Variants in HIVEP2 observed in about 807,000 individuals in gnomAD.
HIVEP2 encodes HIVEP zinc finger 2.
Under a neutral mutation model 180.7 loss-of-function variants are expected in HIVEP2, and 14 were observed. That is an observed-to-expected ratio of 0.08 (90% CI 0.05 to 0.12). The LOEUF (loss-of-function observed/expected upper bound fraction) is 0.12, where lower values mean the gene tolerates loss of function less well. HIVEP2 is among the 10% of genes least tolerant of loss of function. The pLI is 1.00. For missense variants in HIVEP2, 2,579 were observed against 3,008.5 expected (o/e 0.86, Z 3.34); for synonymous variants, 1,184 against 1,136.4 (o/e 1.04, Z -0.84).
At chr6:142,877,149 A>G (rs1317205150) in intron 1 of HIVEP2, among the ~76,000 whole-genome samples, 3 of 152,210 alleles carry the variant, frequency 2.0e-5, no homozygotes, top group Admixed American at 6.5e-5. Context: ...ATTATCATAT[A>G]TTATCACTTT....
At chr6:142,808,111 G>T (rs1257254922) in intron 2 of HIVEP2, among the ~76,000 whole-genome samples, 1 of 152,156 alleles carries the variant, frequency 6.6e-6, no homozygotes, top group Admixed American at 6.5e-5. Flanking sequence ...AAGCTAGGCT[G>T]TAGAAAGATG....
intron 1 of HIVEP2, among the ~76,000 whole-genome samples, chr6:142,877,038 C>T (rs531147484): frequency 6.5e-4 from 99 of 152,294 alleles, no homozygotes; most frequent in Middle Eastern, 3.4e-3. Context: ...AACAGAGTGA[C>T]ACCCTGTCTC....
chr6:142,820,001 C>T (rs918168891), intron 2 of HIVEP2, among the ~76,000 whole-genome samples: 4 of 152,084 alleles, frequency 2.6e-5, no homozygotes, highest in Non-Finnish European at 5.9e-5. Flanking sequence ...CAAGGAGAGG[C>T]GGCTGGAGCA....
intron 2 of HIVEP2, among the ~76,000 whole-genome samples, chr6:142,811,137 C>T (rs772189445): frequency 6.6e-6 from 1 of 152,056 alleles, no homozygotes; most frequent in Non-Finnish European, 1.5e-5. Context: ...AAGAACAGTA[C>T]ATCAGGAAAT....
intron 1 of HIVEP2, among the ~76,000 whole-genome samples, chr6:142,917,429 T>C (rs1777582498): frequency 6.6e-6 from 1 of 152,230 alleles, no homozygotes; most frequent in South Asian, 2.1e-4. Flanking sequence ...GACATCCACG[T>C]GACACTACAT....
At chr6:142,866,510 CCTAA>C (rs1414560938) in intron 1 of HIVEP2, among the ~76,000 whole-genome samples, 1 of 143,372 alleles carries the variant, frequency 7.0e-6, no homozygotes, top group African/African-American at 2.5e-5. Flanking sequence ...AGTGCTAACT[CCTAA>C]CTCCTTTATT....
chr6:142,845,210 G>T (rs1197326745), intron 1 of HIVEP2, among the ~76,000 whole-genome samples: 1 of 152,148 alleles, frequency 6.6e-6, no homozygotes, highest in Admixed American at 6.5e-5. Flanking sequence ...TTTGGGGGAG[G>T]GGTTTTGCAA....
chr6:142,801,863 T>C (rs1359060725), intron 2 of HIVEP2, among the ~76,000 whole-genome samples: 1 of 152,296 alleles, frequency 6.6e-6, no homozygotes, highest in South Asian at 2.1e-4. Context: ...AGTTCCAACA[T>C]AGTTCATTTG....
intron 1 of HIVEP2, among the ~76,000 whole-genome samples, chr6:142,933,126 C>G (rs1399485846): frequency 1.3e-5 from 2 of 152,176 alleles, no homozygotes; most frequent in Non-Finnish European, 2.9e-5. Flanking sequence ...AGAAAGAAAG[C>G]AATGGGAACA....
In HIVEP2 at chr6:142,943,675, C is replaced by T. The variant is rs1582983325; in HGVS notation, c.-641+1424G>A. ...GTAAATTGAGTTATTTTTAAAATGG[C>T]AGAAAAGGAAGGAGAAAAATCAGCT... is the stretch of plus-strand genomic sequence containing the variant. On this transcript the variant is annotated intron_variant, in intron 1 of 9. Transcript: ENST00000367603. This position sits in a 1 kb window ranked among gnomAD's most constrained non-coding sequence, Gnocchi z 4.5. Among the ~76,000 whole-genome samples, 1 of 151,992 alleles carries T rather than the reference C, an allele frequency of 6.6e-6. No individual in the cohort carries two copies. Among genetic ancestry groups the T allele is most frequent in the African/African-American group, 2.4e-5 (1 of 41,362 alleles).
chr6:142,879,798 C>T (rs557784128), intron 1 of HIVEP2, among the ~76,000 whole-genome samples: 64 of 152,194 alleles, frequency 4.2e-4, no homozygotes, highest in African/African-American at 1.5e-3. Context: ...CCTCCCATGC[C>T]CGTCTCCAAA....
At chr6:142,793,592 C>A (rs1776192137) in intron 2 of HIVEP2, among the ~76,000 whole-genome samples, 1 of 150,462 alleles carries the variant, frequency 6.6e-6, no homozygotes, top group Admixed American at 6.6e-5. Context: ...TTTCTTTCTA[C>A]CTCCCCCCTC....
intron 1 of HIVEP2, among the ~76,000 whole-genome samples, chr6:142,893,527 G>A (rs1776911806): frequency 6.6e-6 from 1 of 152,212 alleles, no homozygotes; most frequent in Admixed American, 6.5e-5. Flanking sequence ...CTTTGCAGAT[G>A]AGGGAACTGA....
chr6:142,906,881 T>A (rs1349065139), intron 1 of HIVEP2, among the ~76,000 whole-genome samples: 1 of 152,234 alleles, frequency 6.6e-6, no homozygotes, highest in East Asian at 1.9e-4. Context: ...AAGATAGTTA[T>A]GCATCTTTTC....
chr6:142,804,669 A>T (rs554613097), intron 2 of HIVEP2, among the ~76,000 whole-genome samples: 1 of 152,316 alleles, frequency 6.6e-6, no homozygotes, highest in African/African-American at 2.4e-5. Context: ...GTAAAAAGTT[A>T]AAAATTGTTC....
intron 6 of HIVEP2, among the ~76,000 whole-genome samples, chr6:142,767,184 G>A (rs1562501632): frequency 6.6e-6 from 1 of 152,202 alleles, no homozygotes; most frequent in Non-Finnish European, 1.5e-5. Context: ...CAAGTACACT[G>A]CTATGAAGGC....
chr6:142,788,780 G>T (rs143266409), intron 2 of HIVEP2, among the ~76,000 whole-genome samples: 1 of 151,996 alleles, frequency 6.6e-6, no homozygotes, highest in Non-Finnish European at 1.5e-5. Flanking sequence ...GCTTCAGCGG[G>T]GAGATATTTG....
chr6:142,780,624 A>G (rs983327852), intron 3 of HIVEP2, among the ~76,000 whole-genome samples: 2 of 152,172 alleles, frequency 1.3e-5, no homozygotes, highest in African/African-American at 4.8e-5. Context: ...TGTATTTGTC[A>G]CTTTTCTACA....
At chr6:142,864,574 G>C (rs1776088741) in intron 1 of HIVEP2, among the ~76,000 whole-genome samples, 1 of 151,658 alleles carries the variant, frequency 6.6e-6, no homozygotes, top group East Asian at 1.9e-4. Context: ...AAGAAAACTG[G>C]AGTCTACACA....
Sources: gnomAD v4.1 joint callset for allele counts (sites outside exome capture counted in the v4.1 genomes callset) on GRCh38, gnomAD v4.1.1 for gene constraint, Gnocchi (gnomAD v3.1) non-coding constraint, MANE v1.5 for transcripts, NCBI Gene and HGNC (gene_info 2026-07-23, HGNC 2026-07-21) for gene names.